ABHD18: variants seen among roughly 807,000 people sequenced by gnomAD.
ABHD18 encodes abhydrolase domain containing 18, also known as cardiolipin-specific deacylase, mitochondrial.
Under a neutral mutation model 65.9 loss-of-function variants are expected in ABHD18, and 55 were observed. The observed-to-expected ratio is 0.84, with a 90% CI of 0.67 to 1.05. The LOEUF (loss-of-function observed/expected upper bound fraction) is 1.05, where lower values mean the gene tolerates loss of function less well. Among genes scored for constraint, ABHD18 ranks in the 50% least tolerant of loss-of-function variants. ABHD18 has a pLI of 0.00. For missense variants in ABHD18, 533 were observed against 558.5 expected, an observed-to-expected ratio of 0.95 and a Z score of 0.46; for synonymous variants, 181 against 180.2, an observed-to-expected ratio of 1.00 and a Z score of -0.04.
chr4:127,984,571 T>C (rs972712708), intron 3 of ABHD18, 148 bp downstream of exon 3: 2 of 489,148 alleles, frequency 4.1e-6, no homozygotes, highest in Non-Finnish European at 7.2e-6. Flanking sequence ...AGAATACTAT[T>C]TGTGGGCCAG....
intron 7 of ABHD18, among the ~76,000 whole-genome samples, chr4:128,014,141 G>A (rs551378075): frequency 6.6e-6 from 1 of 151,656 alleles, no homozygotes; most frequent in Non-Finnish European, 1.5e-5. Context: ...GCGCCACCAC[G>A]CCCAGCTAAT....
intron 11 of ABHD18, 51 bp downstream of exon 11, chr4:128,028,904 G>A (rs1291655422): frequency 3.7e-6 from 5 of 1,358,260 alleles, no homozygotes; most frequent in African/African-American, 2.9e-5. Flanking sequence ...GTAAGTATTT[G>A]TGAAATATTT....
chr4:128,015,588 C>T (rs1417228415), intron 7 of ABHD18, among the ~76,000 whole-genome samples: 2 of 151,702 alleles, frequency 1.3e-5, no homozygotes, highest in Admixed American at 6.6e-5. Context: ...TCTGTTTGGA[C>T]GAAGGATAGC....
intron 7 of ABHD18, among the ~76,000 whole-genome samples, chr4:128,013,291 G>C (rs1456162614): frequency 6.6e-6 from 1 of 152,154 alleles, no homozygotes; most frequent in Non-Finnish European, 1.5e-5. Context: ...GGAAAGAGTA[G>C]TGACTTTAGT....
chr4:128,028,887 CTGA>C, intron 11 of ABHD18, 34 bp downstream of exon 11: 2 of 1,444,352 alleles, frequency 1.4e-6, no homozygotes, highest in South Asian at 1.4e-5. Context: ...AGAATATTTG[CTGA>C]TGTGTAAGTA....
chr4:128,031,523 G>A (rs1758216193), intron 12 of ABHD18, among the ~76,000 whole-genome samples: 1 of 151,998 alleles, frequency 6.6e-6, no homozygotes, highest in African/African-American at 2.4e-5. Flanking sequence ...CTGCATTATT[G>A]AAACATATTC....
Position 128,030,651 on chromosome 4 carries a change from T to C in ABHD18, c.1322T>C (p.Leu441Pro). 6.3e-7 allele frequency: 1 copy of C among 1,595,412 alleles called. No homozygotes were observed. The highest frequency in any genetic ancestry group is 8.5e-7 in the Non-Finnish European group (1 of 1,176,266). Residue 441 changes from leucine (L) to proline (P), a missense_variant, in exon 12 of 13, where the codon CTT (leucine) becomes CCT (proline). By Grantham distance (98) the Leu-to-Pro change is moderately conservative (BLOSUM62 -3). Transcript: ENST00000645843. ...GAAGGGGGTCATATTAGTGCTTATC[T>C]TTTTAAACAAGGACTCTTCAGGTAA... Reference protein sequence around the residue: ...YLEGGHISAYLFKQGLFRQAI... With the variant: ...YLEGGHISAYPFKQGLFRQAI...
At chr4:128,001,622 T>G in intron 4 of ABHD18, 1 of 1,263,892 alleles carries the variant, frequency 7.9e-7, no homozygotes, top group South Asian at 1.6e-5. Context: ...TCCCTCATAC[T>G]TAGTTAACCC....
intron 4 of ABHD18, among the ~76,000 whole-genome samples, chr4:128,003,410 A>T (rs1753027748): frequency 6.6e-6 from 1 of 152,032 alleles, no homozygotes; most frequent in African/African-American, 2.4e-5. Context: ...GATTCTGTTA[A>T]ATTAAAATAC....
At chr4:128,025,618 A>G in intron 10 of ABHD18, among the ~76,000 whole-genome samples, 1 of 152,162 alleles carries the variant, frequency 6.6e-6, no homozygotes, top group East Asian at 1.9e-4. Context: ...TTGTACATTC[A>G]TGTTATATAA....
At chr4:128,001,706 T>A in intron 4 of ABHD18, 1 of 1,544,488 alleles carries the variant, frequency 6.5e-7, no homozygotes. Context: ...TGTTCTTTTC[T>A]GTCTTCCAGG....
intron 4 of ABHD18, chr4:128,001,599 G>A: frequency 1.1e-6 from 1 of 940,144 alleles, no homozygotes; most frequent in East Asian, 3.0e-5. Flanking sequence ...TATATGTAAA[G>A]ATGCCTTTAT....
chr4:127,969,438 A>G (rs1746310250), intron 1 of ABHD18, among the ~76,000 whole-genome samples: 1 of 152,018 alleles, frequency 6.6e-6, no homozygotes, highest in Non-Finnish European at 1.5e-5. Flanking sequence ...AACTCAGGTG[A>G]TCCGCCTGCC....
intron 1 of ABHD18, among the ~76,000 whole-genome samples, chr4:127,980,438 T>C (rs1748812838): frequency 6.6e-6 from 1 of 151,590 alleles, no homozygotes; most frequent in Non-Finnish European, 1.5e-5. Flanking sequence ...ACAGTGTGTG[T>C]AGGTAAATAA....
In ABHD18 at chr4:128,035,832, C is replaced by G; in HGVS notation, c.*19C>G. The G allele has an allele frequency of 6.7e-7, 1 of 1,485,428 alleles. No homozygotes were observed. The highest frequency in any genetic ancestry group is 9.1e-7 in the Non-Finnish European group (1 of 1,098,176). 92.0% of individuals were successfully genotyped at this position (1,485,428 alleles called of 1,614,324 possible). A position where few individuals can be genotyped will look rare whatever the true frequency, so the allele number is the denominator to read the frequency against. On this transcript the variant is annotated 3_prime_UTR_variant, in exon 13 of 13. Transcript: ENST00000645843. ...TAACTAGTTGGATTATTATATGTAA[C>G]CAGTGTGGCCATGATGTTTCTTACA...
intron 11 of ABHD18, among the ~76,000 whole-genome samples, chr4:128,029,065 T>C (rs1357797681): frequency 6.6e-6 from 1 of 152,044 alleles, no homozygotes; most frequent in African/African-American, 2.4e-5. Flanking sequence ...AGAAACACAC[T>C]GGACAGCCGG....
chr4:127,986,278 CT>C (rs1478415962), intron 3 of ABHD18, among the ~76,000 whole-genome samples: 2 of 152,136 alleles, frequency 1.3e-5, no homozygotes, highest in Non-Finnish European at 2.9e-5. Context: ...CAATATGTAA[CT>C]TTTTTTGTCT....
At chr4:128,006,240 C>T (rs1240516591) in intron 4 of ABHD18, among the ~76,000 whole-genome samples, 1 of 152,164 alleles carries the variant, frequency 6.6e-6, no homozygotes, top group Non-Finnish European at 1.5e-5. Flanking sequence ...GAAGTCACTA[C>T]ATGCATTGCT....
At chr4:127,977,093 C>T (rs527638536) in intron 1 of ABHD18, among the ~76,000 whole-genome samples, 1 of 152,034 alleles carries the variant, frequency 6.6e-6, no homozygotes, top group East Asian at 1.9e-4. Flanking sequence ...TTTTGTGTAC[C>T]TTAAAATCAA....
Sources: gnomAD v4.1 joint callset for allele counts (sites outside exome capture counted in the v4.1 genomes callset) on GRCh38, gnomAD v4.1.1 for gene constraint, MANE v1.5 for transcripts, NCBI Gene and HGNC (gene_info 2026-07-23, HGNC 2026-07-21) for gene names.